KLF8: variants seen among roughly 807,000 people sequenced by gnomAD.
The protein encoded by KLF8 is KLF transcription factor 8, also known as Krueppel-like factor 8.
KLF8 carries 10 observed loss-of-function variants against 18.2 expected under a neutral mutation model. That is an observed-to-expected ratio of 0.55 (90% CI 0.34 to 0.93). The LOEUF is 0.93. Ranked by LOEUF, KLF8 falls within the 40% of genes least tolerant of loss-of-function variation. KLF8 has a pLI of 0.02. For synonymous variants in KLF8, 109 were observed against 97.3 expected (o/e 1.12, Z -0.71); for missense variants, 264 against 277.9 (o/e 0.95, Z 0.36).
intron 1 of KLF8, among the ~76,000 whole-genome samples, chrX:56,238,896 A>G (rs972127302): frequency 8.9e-5 from 10 of 112,275 alleles, no homozygotes; most frequent in Non-Finnish European, 1.7e-4. Flanking sequence ...AGCTGAGGTG[A>G]TAGTGGTAAA....
intron 3 of KLF8, chrX:56,266,453 C>T (rs1382683893): frequency 2.8e-6 from 2 of 718,792 alleles, no homozygotes; most frequent in Non-Finnish European, 3.3e-6. Flanking sequence ...TTATGTATGC[C>T]TCCAGAGAAC....
rs1248499268 is a variant in KLF8, at chrX:56,234,070, C to CT, written c.7+739dup. Among the ~76,000 whole-genome samples, 162 of 105,954 alleles carry CT rather than the reference C, an allele frequency of 1.5e-3. 1 individual carries two copies. The highest frequency in any genetic ancestry group is 4.6e-3 in the Admixed American group (46 of 9,947). 92.0% of individuals were successfully genotyped at this position (105,954 alleles called of 115,157 possible). On this transcript the variant is annotated intron_variant, in intron 1 of 5. Transcript: ENST00000468660. ...CTTGGCGGAGCTGTCTTTTTGTGGGCTTTTTTTTTTAACCCTAAGAATTTG... is the reference window on the plus strand; with the variant it reads ...CTTGGCGGAGCTGTCTTTTTGTGGGCTTTTTTTTTTTAACCCTAAGAATTTG...
chrX:56,135,703 TAATAA>T, the KLF8 span, among the ~76,000 whole-genome samples: 3 of 111,130 alleles, frequency 2.7e-5, no homozygotes, highest in African/African-American at 9.8e-5. Flanking sequence ...AGTATAAAAA[TAATAA>T]AATAAAATAA....
At chrX:56,190,615 A>G in the KLF8 span, among the ~76,000 whole-genome samples, 148 of 111,905 alleles carry the variant, frequency 1.3e-3, no homozygotes, top group Non-Finnish European at 2.3e-3. Flanking sequence ...AAATTGAAAT[A>G]ATATCAAGCA....
the KLF8 span, among the ~76,000 whole-genome samples, chrX:56,081,791 G>T: frequency 2.8e-4 from 31 of 111,861 alleles, no homozygotes; most frequent in Non-Finnish European, 4.0e-4. Context: ...ACACCCTTGT[G>T]TTCCTCAGAT....
the KLF8 span, chrX:56,015,289 G>T: frequency 9.0e-6 from 1 of 111,665 alleles, no homozygotes; most frequent in African/African-American, 3.3e-5. Flanking sequence ...TACATCTTTT[G>T]CCTGAATCAC....
At chrX:56,053,429 G>A in the KLF8 span, among the ~76,000 whole-genome samples, 1 of 110,986 alleles carries the variant, frequency 9.0e-6, no homozygotes, top group Non-Finnish European at 1.9e-5. Flanking sequence ...TTTTGTTGAA[G>A]ATATTTACAT....
At chrX:56,254,749 T>A (rs988833598) in intron 2 of KLF8, among the ~76,000 whole-genome samples, 2 of 111,266 alleles carry the variant, frequency 1.8e-5, no homozygotes, top group Non-Finnish European at 3.8e-5. Context: ...CCCTCTGAAG[T>A]CAAGCCACTT....
At chrX:55,995,620 A>G in the KLF8 span, among the ~76,000 whole-genome samples, 1 of 111,590 alleles carries the variant, frequency 9.0e-6, no homozygotes, top group Non-Finnish European at 1.9e-5. Context: ...ATGGAATTTT[A>G]TTTCCCCTAA....
the KLF8 span, among the ~76,000 whole-genome samples, chrX:56,035,773 T>C: frequency 8.9e-6 from 1 of 112,124 alleles, no homozygotes; most frequent in Non-Finnish European, 1.9e-5. Context: ...TTTTGAGAAA[T>C]GTCTGTTCAG....
At chrX:56,177,157 C>T in the KLF8 span, among the ~76,000 whole-genome samples, 1 of 111,801 alleles carries the variant, frequency 8.9e-6, no homozygotes, top group Non-Finnish European at 1.9e-5. Flanking sequence ...AGCTGCATTC[C>T]TTTGGAGGAG....
the KLF8 span, among the ~76,000 whole-genome samples, chrX:56,086,695 A>AAGTAGT: frequency 2.2e-3 from 238 of 110,445 alleles, 1 homozygote; most frequent in African/African-American, 7.6e-3. Flanking sequence ...TGGTTAGTAG[A>AAGTAGT]AGTAGTAGTA....
chrX:56,166,014 C>A, the KLF8 span, among the ~76,000 whole-genome samples: 76 of 111,406 alleles, frequency 6.8e-4, no homozygotes, highest in Non-Finnish European at 8.7e-4. Context: ...GGTAAAATAT[C>A]TATCAAAGAC....
chrX:56,169,774 G>A, the KLF8 span, among the ~76,000 whole-genome samples: 1 of 112,070 alleles, frequency 8.9e-6, no homozygotes, highest in Non-Finnish European at 1.9e-5. Context: ...TTGCTACCAT[G>A]AAAGGAAGGA....
At chrX:55,919,054 T>TA in the KLF8 span, among the ~76,000 whole-genome samples, 4 of 111,422 alleles carry the variant, frequency 3.6e-5, no homozygotes, top group Non-Finnish European at 7.5e-5. Flanking sequence ...TTCTAAGTCT[T>TA]AAAAATCTCA....
chrX:56,003,772 G>C, the KLF8 span, among the ~76,000 whole-genome samples: 1 of 111,975 alleles, frequency 8.9e-6, no homozygotes, highest in Non-Finnish European at 1.9e-5. Context: ...AAACAGATCT[G>C]TGTGTTTTCT....
chrX:56,044,151 A>G, the KLF8 span, among the ~76,000 whole-genome samples: 28 of 111,536 alleles, frequency 2.5e-4, no homozygotes, highest in South Asian at 0.01. Flanking sequence ...AGACTGTGAA[A>G]CAACAAAGAT....
At chrX:56,257,723 T>C (rs188622109) in intron 2 of KLF8, among the ~76,000 whole-genome samples, 591 of 112,669 alleles carry the variant, frequency 5.2e-3, no homozygotes, top group African/African-American at 0.015. Context: ...TATTCCATGG[T>C]ATATCTTTAC....
chrX:56,260,467 C>G (rs948738475), intron 2 of KLF8, among the ~76,000 whole-genome samples: 1 of 112,099 alleles, frequency 8.9e-6, no homozygotes, highest in African/African-American at 3.2e-5. Flanking sequence ...TAGTTTTGTG[C>G]TAGGTACTAA....
Sources: allele counts gnomAD v4.1 joint callset (sites outside exome capture counted in the v4.1 genomes callset), GRCh38; gene constraint gnomAD v4.1.1; transcripts MANE v1.5; gene names NCBI Gene and HGNC (gene_info 2026-07-23, HGNC 2026-07-21).